The following PPFIBP2 variants were observed in gnomAD, a reference collection of about 807,000 sequenced individuals.
PPFIBP2 encodes the protein PPFIB scaffold protein 2.
A neutral mutation model predicts 118.3 loss-of-function variants in PPFIBP2; 118 were observed. The observed-to-expected ratio is 1.00, with a 90% CI of 0.86 to 1.16. The LOEUF is 1.16. Among genes scored for constraint, PPFIBP2 ranks in the 50% most tolerant of loss-of-function variants. The probability of loss-of-function intolerance (pLI) is 0.00; values close to 1 mark genes in which losing one functional copy is unlikely to be tolerated. For synonymous variants in PPFIBP2, 414 were observed against 397.4 expected (o/e 1.04, Z -0.50); for missense variants, 1,195 against 1,073.1 (o/e 1.11, Z -1.59).
intron 1 of PPFIBP2, among the ~76,000 whole-genome samples, chr11:7,531,343 C>T (rs7121627): frequency 0.44 from 66,130 of 152,014 alleles, 14,738 homozygotes; most frequent in African/African-American, 0.5. Context: ...GGGCCCAGGG[C>T]TCTTGGCCCT....
At chr11:7,632,313 G>C (rs992444438) in intron 11 of PPFIBP2, 1 of 153,430 alleles carries the variant, frequency 6.5e-6, no homozygotes, top group Admixed American at 6.4e-5. Context: ...GGAGCCATAA[G>C]AGCATTGCAC....
chr11:7,562,444 T>A (rs561300329), intron 2 of PPFIBP2, among the ~76,000 whole-genome samples: 126 of 152,344 alleles, frequency 8.3e-4, no homozygotes, highest in African/African-American at 2.9e-3. Flanking sequence ...GGAGTCACAG[T>A]GCTCTTTATA....
chr11:7,554,866 G>A (rs1853428221), intron 2 of PPFIBP2, among the ~76,000 whole-genome samples: 2 of 150,626 alleles, frequency 1.3e-5, no homozygotes, highest in Admixed American at 1.3e-4. Flanking sequence ...CAGAAAGTTG[G>A]GAAAGGGTGG....
intron 3 of PPFIBP2, among the ~76,000 whole-genome samples, chr11:7,567,028 A>G (rs185792567): frequency 3.3e-5 from 5 of 152,292 alleles, no homozygotes; most frequent in Admixed American, 3.3e-4. Flanking sequence ...TTTGTAGCAT[A>G]TATTTTCCTC....
At position 7,642,285 on chromosome 11, in the gene PPFIBP2, C is replaced by T; in HGVS notation, c.1518-13C>T. 1 of 1,613,556 alleles carries T rather than the reference C, an allele frequency of 6.2e-7. No individual in the cohort carries two copies. ...TATTCCATGACCGTCTCCATGGATT[C>T]TTCTCCATGCAGAATCCGAAGAACT... is the stretch of plus-strand genomic sequence containing the variant. On this transcript the variant is annotated splice_polypyrimidine_tract_variant and intron_variant, in intron 16 of 23. Transcript: ENST00000299492.
At position 7,639,781 on chromosome 11, in the gene PPFIBP2, T is replaced by C; in HGVS notation, c.1286T>C (p.Leu429Pro). ...AAATATCCCACTTTACCTGGGAAGCTTTCAGGAGCCACGCCCAATGGAGAG... is the reference window on the plus strand; with the variant it reads ...AAATATCCCACTTTACCTGGGAAGCCTTCAGGAGCCACGCCCAATGGAGAG... ...EHKYPTLPGK[L>P]SGATPNGEAA... Residue 429 changes from leucine (L) to proline (P), a missense_variant, in exon 15 of 24, where the codon CTT becomes CCT. Leu to Pro is a moderately conservative substitution (Grantham distance 98, BLOSUM62 -3). Transcript: ENST00000299492. 1 of 1,614,194 alleles carries C rather than the reference T, an allele frequency of 6.2e-7. No individual in the cohort carries two copies. The highest frequency in any genetic ancestry group is 1.1e-5 in the South Asian group (1 of 91,076).
At chr11:7,666,711 G>A in the PPFIBP2 span, 2 of 552,718 alleles carry the variant, frequency 3.6e-6, no homozygotes, top group African/African-American at 1.9e-5. Context: ...TGCTGCTCCT[G>A]AAGCTCAAAC....
At chr11:7,665,849 C>T in the PPFIBP2 span, 2 of 1,535,714 alleles carry the variant, frequency 1.3e-6, no homozygotes, top group Non-Finnish European at 1.7e-6. Context: ...ATCAGTACAG[C>T]CAGCTGGAGT....
intron 6 of PPFIBP2, among the ~76,000 whole-genome samples, chr11:7,618,862 G>A (rs1006755029): frequency 6.6e-5 from 10 of 150,558 alleles, no homozygotes; most frequent in Admixed American, 1.3e-4. Flanking sequence ...GATTACAGGC[G>A]TGAGCCACCA....
chr11:7,632,070 T>TA (rs1850834472), intron 11 of PPFIBP2, among the ~76,000 whole-genome samples: 1 of 152,248 alleles, frequency 6.6e-6, no homozygotes, highest in South Asian at 2.1e-4. Flanking sequence ...GGTGCACTGC[T>TA]GAAGGCACAG....
intron 2 of PPFIBP2, among the ~76,000 whole-genome samples, chr11:7,561,286 G>A (rs1854272653): frequency 6.6e-6 from 1 of 152,156 alleles, no homozygotes; most frequent in Non-Finnish European, 1.5e-5. Flanking sequence ...GGCCGGTCTC[G>A]AACTCCTGAC....
At chr11:7,646,919 T>G (rs1296128141) in intron 17 of PPFIBP2, among the ~76,000 whole-genome samples, 1 of 152,220 alleles carries the variant, frequency 6.6e-6, no homozygotes, top group Non-Finnish European at 1.5e-5. Flanking sequence ...TTTCTAATTC[T>G]AAATATTCCC....
At chr11:7,563,829 A>G (rs950583032) in intron 2 of PPFIBP2, among the ~76,000 whole-genome samples, 1 of 152,112 alleles carries the variant, frequency 6.6e-6, no homozygotes, top group African/African-American at 2.4e-5. Context: ...AACTTACGGA[A>G]AGGAGACTTT....
At chr11:7,579,603 C>G (rs1281093578) in intron 3 of PPFIBP2, among the ~76,000 whole-genome samples, 1 of 152,182 alleles carries the variant, frequency 6.6e-6, no homozygotes, top group Non-Finnish European at 1.5e-5. Context: ...TGTCCCAGCC[C>G]CTGGGGCAGA....
intron 2 of PPFIBP2, among the ~76,000 whole-genome samples, chr11:7,550,817 A>T (rs977187511): frequency 3.5e-4 from 53 of 152,272 alleles, no homozygotes; most frequent in African/African-American, 1.2e-3. Flanking sequence ...CAACTAATAT[A>T]AAACAGGCAG....
At chr11:7,631,081 C>T in intron 11 of PPFIBP2, 53 bp downstream of exon 11, 2 of 1,410,498 alleles carry the variant, frequency 1.4e-6, no homozygotes, top group Non-Finnish European at 2.0e-6. Flanking sequence ...CCGAGCTTGC[C>T]CTGAGCTTGA....
At chr11:7,649,690 G>T in intron 21 of PPFIBP2, 36 bp downstream of exon 21, 1 of 1,612,190 alleles carries the variant, frequency 6.2e-7, no homozygotes, top group Non-Finnish European at 8.5e-7. Context: ...AGGTAGCCCT[G>T]AGCCAGGACC....
intron 6 of PPFIBP2, among the ~76,000 whole-genome samples, chr11:7,613,202 T>C (rs7949538): frequency 0.015 from 2,303 of 152,298 alleles, 62 homozygotes; most frequent in African/African-American, 0.051. Context: ...AAGAAGAGAA[T>C]GCTTGTGGCA....
At chr11:7,589,507 C>T (rs543190586) in intron 3 of PPFIBP2, among the ~76,000 whole-genome samples, 109 of 151,952 alleles carry the variant, frequency 7.2e-4, no homozygotes, top group African/African-American at 1.7e-3. Flanking sequence ...GCAGGAGGAT[C>T]GCTTGAACCC....
Sources: allele counts gnomAD v4.1 joint callset (sites outside exome capture counted in the v4.1 genomes callset), GRCh38; gene constraint gnomAD v4.1.1; transcripts MANE v1.5; gene names NCBI Gene and HGNC (gene_info 2026-07-23, HGNC 2026-07-21).